Variants in KLHL29 observed in about 807,000 individuals in gnomAD.
KLHL29 encodes kelch-like protein 29.
A neutral mutation model predicts 80.4 loss-of-function variants in KLHL29; 21 were observed. The ratio of observed to expected loss-of-function variants is 0.26; its 90% CI spans 0.19 to 0.38. KLHL29 has a LOEUF of 0.38. Among genes scored for constraint, KLHL29 ranks in the 10% least tolerant of loss-of-function variants. The pLI is 1.00. For synonymous variants in KLHL29, 511 were observed against 526.8 expected (o/e 0.97, Z 0.41); for missense variants, 867 against 1,223.9 (o/e 0.71, Z 4.35).
intron 2 of KLHL29, among the ~76,000 whole-genome samples, chr2:23,519,635 G>T (rs1027436331): frequency 3.3e-5 from 5 of 152,204 alleles, no homozygotes; most frequent in Non-Finnish European, 7.3e-5. Flanking sequence ...CCAAGTTGAG[G>T]ACTCGCCTGT....
intron 1 of KLHL29, among the ~76,000 whole-genome samples, chr2:23,402,925 TATATATC>T (rs1666629664): frequency 6.6e-6 from 1 of 150,476 alleles, no homozygotes; most frequent in Admixed American, 6.7e-5. Flanking sequence ...GTATATATCT[TATATATC>T]ATATATAATC....
At chr2:23,691,949 G>A in intron 7 of KLHL29, 73 bp downstream of exon 7, 1 of 1,442,846 alleles carries the variant, frequency 6.9e-7, no homozygotes, top group South Asian at 1.2e-5. Flanking sequence ...AAACAGCAAG[G>A]ACTGAGCGGG....
chr2:23,532,132 A>G (rs539255689), intron 2 of KLHL29, among the ~76,000 whole-genome samples: 3 of 152,186 alleles, frequency 2.0e-5, no homozygotes, highest in Admixed American at 1.3e-4. Flanking sequence ...CACTGGGGCC[A>G]TGCCTGGGAG....
At chr2:23,650,471 C>CCAAG (rs1670060481) in intron 5 of KLHL29, among the ~76,000 whole-genome samples, 2 of 152,196 alleles carry the variant, frequency 1.3e-5, no homozygotes, top group South Asian at 4.1e-4. Flanking sequence ...GCTTGGCACG[C>CCAAG]CAAGCCCGGG....
chr2:23,624,958 G>A (rs1669273202), intron 3 of KLHL29, among the ~76,000 whole-genome samples: 1 of 152,210 alleles, frequency 6.6e-6, no homozygotes, highest in Non-Finnish European at 1.5e-5. Context: ...GCTCAGAGAG[G>A]TGGTATGACT....
intron 1 of KLHL29, among the ~76,000 whole-genome samples, chr2:23,473,933 C>T (rs1339097349): frequency 6.6e-6 from 1 of 152,134 alleles, no homozygotes; most frequent in Admixed American, 6.5e-5. Context: ...GGGCCAGATG[C>T]CCACACGACC....
intron 3 of KLHL29, among the ~76,000 whole-genome samples, chr2:23,587,158 C>T (rs1044375703): frequency 2.6e-5 from 4 of 151,902 alleles, no homozygotes; most frequent in Non-Finnish European, 5.9e-5. Flanking sequence ...CTCAGCGTGT[C>T]GAGAAGCTCT....
chr2:23,446,026 A>T, intron 1 of KLHL29, among the ~76,000 whole-genome samples: 1 of 151,452 alleles, frequency 6.6e-6, no homozygotes, highest in Non-Finnish European at 1.5e-5. Flanking sequence ...TCGTTTTTTC[A>T]TTTTTTAACT....
intron 1 of KLHL29, among the ~76,000 whole-genome samples, chr2:23,423,718 G>A (rs540066238): frequency 2.6e-5 from 4 of 152,108 alleles, no homozygotes; most frequent in African/African-American, 4.8e-5. Flanking sequence ...GTGGGATCTC[G>A]CTGGTCCTCC....
rs1665516564 is a variant in KLHL29 at position 23,503,646 on chromosome 2, G to A, written c.-46+27979G>A. ...GGCCAGGAGGCCCTTCCTTTGTTGG[G>A]TAGGAGCTGCCCCCGTCCATGTTCC... On this transcript the variant is annotated intron_variant, in intron 2 of 13. Coordinates refer to ENST00000486442, the MANE Select transcript of KLHL29 (RefSeq NM_052920.2). This position sits in a 1 kb window ranked among gnomAD's most constrained non-coding sequence, Gnocchi z 4.0. Among the ~76,000 whole-genome samples, 1 of 151,564 alleles carries A rather than the reference G, an allele frequency of 6.6e-6. No individual in the cohort carries two copies. The highest frequency in any genetic ancestry group is 6.6e-5 in the Admixed American group (1 of 15,166).
chr2:23,562,677 T>C lies in KLHL29; in HGVS notation c.285+196T>C, dbSNP rs1416014028. On this transcript the variant is annotated intron_variant, in intron 3 of 13. Transcript: ENST00000486442. The surrounding 1 kb of genome is among the most constrained non-coding windows in gnomAD (Gnocchi z 4.5). ...TGCGGGTTTTATTATCCATGAAGTC[T>C]TTCTCTGTGACTAACTTGTAGGAAG... Among the ~76,000 whole-genome samples, 7 of 152,200 alleles carry C rather than the reference T, an allele frequency of 4.6e-5. No homozygotes were observed. The highest frequency in any genetic ancestry group is 8.8e-5 in the Non-Finnish European group (6 of 68,030).
intron 1 of KLHL29, among the ~76,000 whole-genome samples, chr2:23,445,847 G>A (rs1390520150): frequency 6.6e-6 from 1 of 152,056 alleles, no homozygotes; most frequent in Non-Finnish European, 1.5e-5. Flanking sequence ...TATGAGTAAG[G>A]TTACACATTT....
intron 2 of KLHL29, among the ~76,000 whole-genome samples, chr2:23,477,423 C>T (rs941626181): frequency 2.0e-5 from 3 of 152,254 alleles, no homozygotes; most frequent in Non-Finnish European, 4.4e-5. Context: ...TCAGGCTAGG[C>T]GCAGCCTTGG....
chr2:23,615,852 G>A (rs761781546), intron 3 of KLHL29, among the ~76,000 whole-genome samples: 39 of 152,262 alleles, frequency 2.6e-4, no homozygotes, highest in Middle Eastern at 3.4e-3. Flanking sequence ...CAGCGTCGCT[G>A]TTCCTTTCTC....
chr2:23,441,661 C>T (rs1368741232), intron 1 of KLHL29, among the ~76,000 whole-genome samples: 2 of 152,090 alleles, frequency 1.3e-5, no homozygotes, highest in African/African-American at 4.8e-5. Context: ...AGATGCACTT[C>T]CAAGATGGCT....
intron 2 of KLHL29, among the ~76,000 whole-genome samples, chr2:23,536,162 G>A (rs773832776): frequency 1.3e-5 from 2 of 152,172 alleles, no homozygotes; most frequent in Non-Finnish European, 2.9e-5. Context: ...AGACAAAGGT[G>A]GGTGACCACA....
intron 5 of KLHL29, among the ~76,000 whole-genome samples, chr2:23,658,749 T>G (rs1347485124): frequency 6.6e-6 from 1 of 152,210 alleles, no homozygotes; most frequent in East Asian, 1.9e-4. Context: ...ACTGACATGC[T>G]GACGCAGAGG....
intron 3 of KLHL29, among the ~76,000 whole-genome samples, chr2:23,603,487 C>T (rs1668625772): frequency 6.6e-6 from 1 of 152,218 alleles, no homozygotes; most frequent in Non-Finnish European, 1.5e-5. Context: ...GCTGAAGGCA[C>T]TTCCCAGGTT....
intron 3 of KLHL29, among the ~76,000 whole-genome samples, chr2:23,618,859 G>A (rs1168696715): frequency 6.6e-6 from 1 of 152,186 alleles, no homozygotes; most frequent in East Asian, 1.9e-4. Context: ...AAGAAAGGGT[G>A]ACTGAATCCC....
Sources: allele counts gnomAD v4.1 joint callset (sites outside exome capture counted in the v4.1 genomes callset), GRCh38; gene constraint gnomAD v4.1.1; non-coding constraint Gnocchi (gnomAD v3.1); transcripts MANE v1.5; gene names NCBI Gene and HGNC (gene_info 2026-07-23, HGNC 2026-07-21).